Variants in TMPRSS4 observed in about 807,000 individuals in gnomAD.
TMPRSS4 encodes transmembrane serine protease 4, also known as transmembrane protease serine 4.
In TMPRSS4, 45 loss-of-function variants were observed where a neutral mutation model predicts 56.4. The ratio of observed to expected loss-of-function variants is 0.80; its 90% CI spans 0.63 to 1.02. TMPRSS4 has a LOEUF of 1.02. Ranked by LOEUF, TMPRSS4 falls within the 50% of genes least tolerant of loss-of-function variation. TMPRSS4 has a pLI of 0.00. For missense variants in TMPRSS4, 546 were observed against 556.7 expected (o/e 0.98, Z 0.19); for synonymous variants, 205 against 211.0 (o/e 0.97, Z 0.25).
chr11:118,077,347 G>A, intron 1 of TMPRSS4, 42 bp downstream of exon 1: 1 of 1,575,052 alleles, frequency 6.3e-7, no homozygotes, highest in Non-Finnish European at 8.6e-7. Flanking sequence ...AGGAAGGGTG[G>A]GTCTCCCCAT....
chr11:118,079,214 A>G (rs1944938223), intron 1 of TMPRSS4, among the ~76,000 whole-genome samples: 2 of 152,140 alleles, frequency 1.3e-5, no homozygotes, highest in Non-Finnish European at 2.9e-5. Flanking sequence ...CCTGTCATTA[A>G]GCCTGTGCTT....
chr11:118,097,020 G>A (rs1347269343), intron 2 of TMPRSS4, among the ~76,000 whole-genome samples: 1 of 42,178 alleles, frequency 2.4e-5, no homozygotes, highest in African/African-American at 8.6e-5. Flanking sequence ...AAGAAAGAAA[G>A]AAAGAAAGAA....
chr11:118,113,407 G>T lies in TMPRSS4; in HGVS notation c.882G>T (p.Met294Ile). 6.2e-7 allele frequency: 1 copy of T among 1,614,112 alleles called. No homozygotes were observed. The change falls in exon 9 of 13, where the codon ATG becomes ATT. Residue 294 changes from methionine to isoleucine, a missense_variant. Transcript: ENST00000437212. The part of the protein sequence containing the change: ...MYPKDNDIAL[M>I]KLQFPLTFSG... ...CCAAAGACAATGACATCGCCCTCAT[G>T]AAGCTGCAGTTCCCACTCACTTTCT...
intron 10 of TMPRSS4, 22 bp from the exon 11 acceptor site, chr11:118,115,116 G>A (rs367610723): frequency 2.6e-4 from 412 of 1,605,170 alleles, no homozygotes; most frequent in Non-Finnish European, 3.4e-4. Flanking sequence ...GGATGGGAAT[G>A]TGAGTGTTTT....
rs930686962 is a variant in TMPRSS4, at chr11:118,115,393, C to T, written c.1152+113C>T. 3.0e-6 allele frequency: 4 copies of T among 1,315,050 alleles called. No homozygotes were observed. The Admixed American group carries it at 1.0e-4, about 34-fold the overall frequency. The allele number at this position is 1,315,050 out of a possible 1,614,324, so 81.5% of individuals were successfully genotyped here. ...GGAAGCCTTGCATATCATGGGCACT[C>T]AATGTGTGATGATGGGAGGAAGAGA... is the stretch of plus-strand genomic sequence containing the variant. On this transcript the variant is annotated intron_variant, in intron 11 of 12. Transcript: ENST00000437212.
intron 1 of TMPRSS4, among the ~76,000 whole-genome samples, chr11:118,084,284 T>C (rs1342319539): frequency 6.6e-6 from 1 of 152,176 alleles, no homozygotes; most frequent in African/African-American, 2.4e-5. Context: ...CTCTGTGCAC[T>C]GTAAAACACA....
chr11:118,115,541 C>T (rs1947502768), intron 11 of TMPRSS4: 1 of 428,628 alleles, frequency 2.3e-6, no homozygotes, highest in Admixed American at 3.6e-5. Context: ...TGTTACTGGC[C>T]TGGCATGGTG....
intron 1 of TMPRSS4, among the ~76,000 whole-genome samples, chr11:118,084,617 A>G (rs1187408540): frequency 6.6e-6 from 1 of 152,210 alleles, no homozygotes; most frequent in African/African-American, 2.4e-5. Flanking sequence ...GAACCACAGC[A>G]CAGACCCTCC....
In TMPRSS4 at chr11:118,119,440, G is replaced by A; in HGVS notation, c.*1527G>A. The A allele has an allele frequency of 1.1e-6, 1 of 886,364 alleles. No individual in the cohort carries two copies. Among genetic ancestry groups the A allele is most frequent in the South Asian group, 5.3e-5 (1 of 19,008 alleles). The allele number at this position is 886,364 out of a possible 1,614,324, so 54.9% of individuals were successfully genotyped here. On this transcript the variant is annotated 3_prime_UTR_variant, in exon 13 of 13. Transcript: ENST00000437212. The stretch of plus-strand genomic sequence containing the variant: ...TATGAGCTCACAATCAAAGATCAGA[G>A]ACGTTGAAAAATAAAAAACACCTTA...
Position 118,111,912 on chromosome 11 carries a change from GCTGT to G in TMPRSS4, c.743+13_743+16del, listed in dbSNP as rs766257581. ...GCCCACTGCTTCAGGTAAGACCCCAGCTGTAAGGAGGTCTCTGGGGACCAAGGCC... is the reference window on the plus strand; with the variant it reads ...GCCCACTGCTTCAGGTAAGACCCCAGAAGGAGGTCTCTGGGGACCAAGGCC... On this transcript the variant is annotated intron_variant, in intron 8 of 12. Transcript: ENST00000437212. 1.3e-4 allele frequency: 212 copies of G among 1,602,874 alleles called. No homozygotes were observed. Among genetic ancestry groups the G allele is most frequent in the South Asian group, 3.3e-4 (29 of 89,048 alleles).
At chr11:118,117,837 CAT>C in intron 12 of TMPRSS4, 63 bp from the exon 13 acceptor site, 1 of 1,613,944 alleles carries the variant, frequency 6.2e-7, no homozygotes, top group Non-Finnish European at 8.5e-7. Context: ...TCACGTTACA[CAT>C]GTCACCACTT....
At chr11:118,104,603 G>A (rs1946891669) in intron 4 of TMPRSS4, 88 bp from the exon 5 acceptor site, 4 of 1,592,056 alleles carry the variant, frequency 2.5e-6, no homozygotes, top group African/African-American at 1.3e-5. Flanking sequence ...TAGGTTGGGG[G>A]AGCTTGGGCT....
At chr11:118,123,679 C>T (rs146766883), downstream of TMPRSS4, among the ~76,000 whole-genome samples, 5,828 of 152,206 alleles carry the variant, frequency 0.038, 318 homozygotes, top group African/African-American at 0.12. Context: ...CCCGCCACTA[C>T]GCCTGGCTAA....
chr11:118,083,220 A>G (rs1440190869), intron 1 of TMPRSS4, among the ~76,000 whole-genome samples: 3 of 152,218 alleles, frequency 2.0e-5, no homozygotes, highest in Non-Finnish European at 4.4e-5. Flanking sequence ...TTGCCAGGAG[A>G]AAAGACTTTC....
At chr11:118,087,359 C>T (rs939615468) in intron 1 of TMPRSS4, among the ~76,000 whole-genome samples, 2 of 152,218 alleles carry the variant, frequency 1.3e-5, no homozygotes, top group African/African-American at 4.8e-5. Flanking sequence ...GCTGGCCGAG[C>T]TTTCTGTTCC....
chr11:118,117,566 A>G, intron 12 of TMPRSS4, 112 bp downstream of exon 12: 1 of 1,504,166 alleles, frequency 6.6e-7, no homozygotes, highest in Non-Finnish European at 8.9e-7. Context: ...TTACATCCCA[A>G]ATAACTTTCC....
rs1486598078 is a variant in TMPRSS4, at chr11:118,111,859, C to T, written c.702C>T (p.Ile234=). 1 of 1,609,846 alleles carries T rather than the reference C, an allele frequency of 6.2e-7. No homozygotes were observed. The highest frequency in any genetic ancestry group is 1.1e-5 in the South Asian group (1 of 90,164). ...AACAGCACGTCTGTGGAGGGAGCAT[C>T]CTGGACCCCCACTGGGTCCTCACGG... The part of the protein sequence containing the change: ...YDKQHVCGGS[I]LDPHWVLTAA... The change falls in exon 8 of 13, where the codon ATC becomes ATT. Residue 234 remains isoleucine (I), a synonymous_variant. Transcript: ENST00000437212.
rs558001319 is a variant in TMPRSS4 at position 118,114,178 on chromosome 11, A to G, written c.911-651A>G. On this transcript the variant is annotated intron_variant, in intron 9 of 12. Transcript: ENST00000437212. The stretch of plus-strand genomic sequence containing the variant: ...ATCCCATAGAACAAGTGTTCTAGAG[A>G]CCCTGGTGTGACCCCTTTCAGAGAG... Among the ~76,000 whole-genome samples, 5 of 152,236 alleles carry G rather than the reference A, an allele frequency of 3.3e-5. No individual in the cohort carries two copies. The South Asian group carries it at 8.3e-4, about 25-fold the overall frequency.
chr11:118,093,861 G>A (rs1224551845), intron 1 of TMPRSS4, among the ~76,000 whole-genome samples: 6 of 149,902 alleles, frequency 4.0e-5, no homozygotes, highest in Non-Finnish European at 8.9e-5. Flanking sequence ...TATCACTATA[G>A]ATTAACCTTG....
Sources: allele counts gnomAD v4.1 joint callset (sites outside exome capture counted in the v4.1 genomes callset), GRCh38; gene constraint gnomAD v4.1.1; transcripts MANE v1.5; gene names NCBI Gene and HGNC (gene_info 2026-07-23, HGNC 2026-07-21).